NAALADL2: variants seen among roughly 807,000 people sequenced by gnomAD.
NAALADL2 encodes the protein inactive N-acetylated-alpha-linked acidic dipeptidase-like protein 2.
NAALADL2 carries 76 observed loss-of-function variants against 87.2 expected under a neutral mutation model. The observed-to-expected ratio is 0.87, with a 90% confidence interval of 0.72 to 1.05. The LOEUF is 1.05. Among genes scored for constraint, NAALADL2 ranks in the 50% least tolerant of loss-of-function variants. NAALADL2 has a pLI of 0.00. For synonymous variants in NAALADL2, 354 were observed against 331.0 expected (o/e 1.07, Z -0.75); for missense variants, 1,089 against 945.8 (o/e 1.15, Z -1.99).
At chr3:174,937,954 A>G (rs1737947915) in intron 1 of NAALADL2, among the ~76,000 whole-genome samples, 1 of 152,044 alleles carries the variant, frequency 6.6e-6, no homozygotes, top group Admixed American at 6.6e-5. Context: ...TGCAAAGTTC[A>G]CTATTTGTTA....
chr3:175,555,562 C>T lies in NAALADL2; in HGVS notation c.1654-20479C>T, dbSNP rs148196146. Reference sequence around the variant, plus strand: ...TCCTACCCAACTGTATCACAAGCTCCTTGACAATATAAAATACATATTTGT... The same window carrying T: ...TCCTACCCAACTGTATCACAAGCTCTTTGACAATATAAAATACATATTTGT... On this transcript the variant is annotated intron_variant, in intron 9 of 13. Coordinates refer to ENST00000454872, the MANE Select transcript of NAALADL2 (RefSeq NM_207015.3). 8.9e-3 allele frequency among the ~76,000 whole-genome samples: 1,350 copies of T among 152,144 alleles called. 24 individuals carry two copies. Among genetic ancestry groups the T allele is most frequent in the African/African-American group, 0.031 (1,282 of 41,508 alleles).
intron 2 of NAALADL2, among the ~76,000 whole-genome samples, chr3:175,220,927 G>A (rs1014910390): frequency 3.9e-5 from 6 of 152,126 alleles, no homozygotes; most frequent in African/African-American, 7.2e-5. Flanking sequence ...TGGGCGTGGT[G>A]GCTCAAGCCT....
intron 3 of NAALADL2, among the ~76,000 whole-genome samples, chr3:174,820,840 A>ATTT (rs1721341328): frequency 6.8e-6 from 1 of 147,696 alleles, no homozygotes; most frequent in Admixed American, 6.7e-5. Context: ...TGTTTTTTTA[A>ATTT]AAAAAAACAT....
intron 11 of NAALADL2, among the ~76,000 whole-genome samples, chr3:175,681,110 TCAAAA>T (rs539746203): frequency 2.9e-4 from 44 of 152,310 alleles, no homozygotes; most frequent in African/African-American, 9.9e-4. Context: ...AGGCTCTGTC[TCAAAA>T]CAAAACAAAA....
At chr3:174,969,932 G>T (rs1285328279) in intron 1 of NAALADL2, among the ~76,000 whole-genome samples, 1 of 152,152 alleles carries the variant, frequency 6.6e-6, no homozygotes, top group East Asian at 1.9e-4. Context: ...TGAAATCAAG[G>T]TAAGAAAAAT....
chr3:174,500,985 T>G (rs1718842238), intron 1 of NAALADL2, among the ~76,000 whole-genome samples: 1 of 151,782 alleles, frequency 6.6e-6, no homozygotes, highest in Non-Finnish European at 1.5e-5. Flanking sequence ...GCCTTCCGAG[T>G]AGCTGGGATT....
At chr3:175,645,297 T>C (rs1260408297) in intron 11 of NAALADL2, among the ~76,000 whole-genome samples, 1 of 152,110 alleles carries the variant, frequency 6.6e-6, no homozygotes. Flanking sequence ...AAACACATTC[T>C]AAGTGCTGGA....
intron 2 of NAALADL2, among the ~76,000 whole-genome samples, chr3:174,696,371 A>G (rs1468988488): frequency 3.3e-5 from 5 of 152,012 alleles, no homozygotes; most frequent in Non-Finnish European, 7.4e-5. Context: ...CTGGGTGTCT[A>G]TTGATGTACA....
Position 174,831,884 on chromosome 3 carries a change from G to C in NAALADL2, c.-9+94138G>C, listed in dbSNP as rs560481292. Reference sequence around the variant, plus strand: ...TTATCCATTTCTTCTAGATTTTCTAGTTTATTTGCGTAGAGGTGTTTGTAG... The same window carrying C: ...TTATCCATTTCTTCTAGATTTTCTACTTTATTTGCGTAGAGGTGTTTGTAG... On this transcript the variant is annotated intron_variant, in intron 3 of 3. Transcript: ENST00000434257. Among the ~76,000 whole-genome samples the C allele has an allele frequency of 4.0e-3, 603 of 151,166 alleles. 7 individuals are homozygous for C. The highest frequency in any genetic ancestry group is 0.014 in the African/African-American group (582 of 41,200).
chr3:174,470,453 C>T (rs1716828740), intron 1 of NAALADL2, among the ~76,000 whole-genome samples: 1 of 152,094 alleles, frequency 6.6e-6, no homozygotes, highest in Non-Finnish European at 1.5e-5. Context: ...TGTAGGTTGT[C>T]TGTTTACTCC....
intron 1 of NAALADL2, among the ~76,000 whole-genome samples, chr3:175,046,190 C>T (rs1003377874): frequency 7.2e-5 from 11 of 151,974 alleles, no homozygotes; most frequent in Non-Finnish European, 4.4e-5. Context: ...TAGGTCAGTG[C>T]TTCATAAACT....
chr3:175,567,836 C>T (rs1036630310), intron 9 of NAALADL2, among the ~76,000 whole-genome samples: 2 of 151,948 alleles, frequency 1.3e-5, no homozygotes, highest in Non-Finnish European at 2.9e-5. Flanking sequence ...CTGCCTCTAC[C>T]TCCCGAGTAG....
At chr3:174,520,153 A>G (rs142201094) in intron 1 of NAALADL2, among the ~76,000 whole-genome samples, 111 of 152,094 alleles carry the variant, frequency 7.3e-4, no homozygotes, top group African/African-American at 2.6e-3. Context: ...AGTAATCTAC[A>G]GATGCAATGC....
chr3:175,287,294 A>G (rs9808976), intron 4 of NAALADL2, among the ~76,000 whole-genome samples: 68,757 of 152,000 alleles, frequency 0.45, 16,349 homozygotes, highest in Non-Finnish European at 0.52. Flanking sequence ...AAAATTATGA[A>G]TAAACATTTC....
intron 1 of NAALADL2, among the ~76,000 whole-genome samples, chr3:174,535,514 T>A (rs1474670693): frequency 6.6e-6 from 1 of 152,174 alleles, no homozygotes; most frequent in Non-Finnish European, 1.5e-5. Flanking sequence ...CAAAGCTTTA[T>A]AATAGCTACT....
chr3:175,034,015 C>T (rs553332169), intron 1 of NAALADL2, among the ~76,000 whole-genome samples: 5 of 152,246 alleles, frequency 3.3e-5, no homozygotes, highest in African/African-American at 1.2e-4. Context: ...TAGTCTTCTC[C>T]GTTTCAGAAT....
At chr3:175,122,893 C>T (rs1213814782) in intron 2 of NAALADL2, among the ~76,000 whole-genome samples, 1 of 151,788 alleles carries the variant, frequency 6.6e-6, no homozygotes, top group Non-Finnish European at 1.5e-5. Flanking sequence ...CTTGTAAGGA[C>T]CTTCTTGCTT....
intron 9 of NAALADL2, among the ~76,000 whole-genome samples, chr3:175,520,580 G>A (rs950033442): frequency 2.6e-5 from 4 of 151,710 alleles, no homozygotes; most frequent in Admixed American, 6.6e-5. Context: ...TTACAGGCGT[G>A]AGCCACCGCG....
intron 5 of NAALADL2, among the ~76,000 whole-genome samples, chr3:175,430,713 A>G (rs1717605955): frequency 6.6e-6 from 1 of 152,062 alleles, no homozygotes; most frequent in South Asian, 2.1e-4. Flanking sequence ...AGAGTAGCAC[A>G]GAAGTCTATC....
Sources: allele counts gnomAD v4.1 joint callset (sites outside exome capture counted in the v4.1 genomes callset), GRCh38; gene constraint gnomAD v4.1.1; transcripts MANE v1.5; gene names NCBI Gene and HGNC (gene_info 2026-07-23, HGNC 2026-07-21).